ZBTB16: variants seen among roughly 807,000 people sequenced by gnomAD.
ZBTB16 encodes zinc finger and BTB domain containing 16.
ZBTB16 carries 8 observed loss-of-function variants against 56.8 expected under a neutral mutation model. That is an observed-to-expected ratio of 0.14 (90% CI 0.08 to 0.25). ZBTB16 has a LOEUF of 0.25. Ranked by LOEUF, ZBTB16 falls within the 10% of genes least tolerant of loss-of-function variation. ZBTB16 has a pLI of 1.00. For synonymous variants in ZBTB16, 363 were observed against 368.5 expected (o/e 0.98, Z 0.17); for missense variants, 625 against 903.0 (o/e 0.69, Z 3.95).
chr11:114,187,141 C>T (rs752858905), intron 4 of ZBTB16, 103 bp downstream of exon 4: 2 of 1,121,686 alleles, frequency 1.8e-6, no homozygotes, highest in Non-Finnish European at 2.7e-6. Context: ...ATGTGACATC[C>T]AGTAATTTCC....
chr11:114,130,491 G>A (rs1162112326), intron 2 of ZBTB16, among the ~76,000 whole-genome samples: 1 of 152,230 alleles, frequency 6.6e-6, no homozygotes, highest in Non-Finnish European at 1.5e-5. Context: ...TGTCAGCATC[G>A]ATGGCTGGCT....
chr11:114,089,908 G>A (rs12290032), intron 2 of ZBTB16, among the ~76,000 whole-genome samples: 48,040 of 152,108 alleles, frequency 0.32, 9,213 homozygotes, highest in African/African-American at 0.53. Flanking sequence ...GTGGGTCTCT[G>A]CCCCTGCTTG....
intron 2 of ZBTB16, among the ~76,000 whole-genome samples, chr11:114,136,034 G>A (rs997227342): frequency 6.6e-6 from 1 of 152,064 alleles, no homozygotes; most frequent in Non-Finnish European, 1.5e-5. Flanking sequence ...GTGGAATCTC[G>A]TGGCAAGGGC....
rs558553527 is a variant in ZBTB16 at position 114,232,200 on chromosome 11, C to T, written c.1454-9967C>T. On this transcript the variant is annotated intron_variant, in intron 4 of 6. Coordinates refer to ENST00000335953, the MANE Select transcript of ZBTB16 (RefSeq NM_006006.6). ...AGGGACCCATATTTCTTGCAGTGCT[C>T]ATGCAACCTTGCAGAGGGTTACAGG... Among the ~76,000 whole-genome samples, 46 of 152,262 alleles carry T rather than the reference C, an allele frequency of 3.0e-4. 1 individual carries two copies. The highest frequency in any genetic ancestry group is 3.4e-3 in the Middle Eastern group (1 of 294).
At chr11:114,088,932 G>A (rs1475743894) in intron 2 of ZBTB16, among the ~76,000 whole-genome samples, 2 of 152,218 alleles carry the variant, frequency 1.3e-5, no homozygotes, top group African/African-American at 2.4e-5. Context: ...CCCACACAAT[G>A]CCTGATTGTG....
Position 114,063,581 on chromosome 11 carries a change from C to T in ZBTB16, c.281C>T (p.Ala94Val). Reference protein sequence around the residue: ...LEYAYTATLQAKAEDLDDLLY... With the variant: ...LEYAYTATLQVKAEDLDDLLY... Reference sequence around the variant, plus strand: ...TATGCATATACAGCCACGCTGCAAGCCAAGGCGGAGGACCTGGATGACCTG... The same window carrying T: ...TATGCATATACAGCCACGCTGCAAGTCAAGGCGGAGGACCTGGATGACCTG... The change falls in exon 2 of 7, where the codon GCC becomes GTC. Residue 94 changes from alanine to valine, a missense_variant. Physicochemically the swap from Ala to Val is moderately conservative, Grantham distance 64. This residue lies in a region of ZBTB16 where 54 missense variants were observed against 159.4 expected (regional missense o/e 0.34). Transcript: ENST00000335953. This position sits in a 1 kb window ranked among gnomAD's most constrained non-coding sequence, Gnocchi z 6.5. The T allele has an allele frequency of 6.2e-7, 1 of 1,614,228 alleles. No homozygotes were observed. The highest frequency in any genetic ancestry group is 8.5e-7 in the Non-Finnish European group (1 of 1,180,046).
At chr11:114,148,421 C>CTCTCTCTCTCTCTGTCTGTCTG (rs770626931) in intron 2 of ZBTB16, among the ~76,000 whole-genome samples, 6 of 33,576 alleles carry the variant, frequency 1.8e-4, no homozygotes, top group African/African-American at 6.3e-4. Flanking sequence ...CCCTCCCTCC[C>CTCTCTCTCTCTCTGTCTGTCTG]TCCCTCTCTC....
intron 2 of ZBTB16, among the ~76,000 whole-genome samples, chr11:114,067,204 T>G (rs1376649351): frequency 2.0e-5 from 3 of 152,162 alleles, no homozygotes; most frequent in African/African-American, 7.2e-5. Context: ...GTCCCTTGTG[T>G]TGTTTAGGCC....
chr11:114,208,257 A>C (rs954831005), intron 4 of ZBTB16, among the ~76,000 whole-genome samples: 8 of 152,192 alleles, frequency 5.3e-5, no homozygotes, highest in Admixed American at 2.0e-4. Context: ...ATCATTCAAT[A>C]AATGCTTATT....
intron 2 of ZBTB16, among the ~76,000 whole-genome samples, chr11:114,122,255 A>T (rs1475800562): frequency 1.3e-5 from 2 of 152,170 alleles, no homozygotes; most frequent in African/African-American, 4.8e-5. Flanking sequence ...ACTGCTTTTT[A>T]TCTGGAGCTT....
In ZBTB16 at chr11:114,063,132, T is replaced by C; in HGVS notation, c.-90-79T>C. The C allele has an allele frequency of 2.7e-6, 2 of 732,874 alleles. No homozygotes were observed. Among genetic ancestry groups the C allele is most frequent in the Non-Finnish European group, 4.5e-6 (2 of 440,736 alleles). The allele number at this position is 732,874 out of a possible 1,614,324, so 45.4% of individuals were successfully genotyped here. ...GAGGGGGCATGTTGTAGTGGTTGAA[T>C]TCTTACTTTTAGGGACACTGATGAA... On this transcript the variant is annotated intron_variant, in intron 1 of 6. Coordinates refer to ENST00000335953, the MANE Select transcript of ZBTB16 (RefSeq NM_006006.6). This position sits in a 1 kb window ranked among gnomAD's most constrained non-coding sequence, Gnocchi z 6.5.
At chr11:114,107,776 GAAAC>G (rs1242962398) in intron 2 of ZBTB16, among the ~76,000 whole-genome samples, 2 of 152,184 alleles carry the variant, frequency 1.3e-5, no homozygotes, top group African/African-American at 2.4e-5. Context: ...TTTTCAAAGA[GAAAC>G]AAAGCTGGGC....
intron 4 of ZBTB16, among the ~76,000 whole-genome samples, chr11:114,234,087 A>G (rs965256684): frequency 6.6e-6 from 1 of 152,190 alleles, no homozygotes; most frequent in East Asian, 1.9e-4. Context: ...CCCTTGACTG[A>G]CGGTATTGAA....
chr11:114,200,940 G>A (rs901060540), intron 4 of ZBTB16, among the ~76,000 whole-genome samples: 19 of 152,172 alleles, frequency 1.2e-4, no homozygotes, highest in African/African-American at 4.6e-4. Context: ...GATGTTGGTA[G>A]CATTTTGATT....
intron 2 of ZBTB16, among the ~76,000 whole-genome samples, chr11:114,108,802 T>A (rs1181761479): frequency 6.6e-6 from 1 of 152,246 alleles, no homozygotes; most frequent in African/African-American, 2.4e-5. Context: ...CAGCTCATGC[T>A]TTTAAGGTCG....
intron 4 of ZBTB16, among the ~76,000 whole-genome samples, chr11:114,215,945 A>T (rs1565690782): frequency 6.6e-6 from 1 of 152,188 alleles, no homozygotes; most frequent in Non-Finnish European, 1.5e-5. Context: ...GACAGCCTAG[A>T]AATGGAAGGG....
chr11:114,177,548 G>A (rs645032), intron 3 of ZBTB16, among the ~76,000 whole-genome samples: 27,681 of 152,024 alleles, frequency 0.18, 2,816 homozygotes, highest in African/African-American at 0.28. Context: ...CACCGCACCC[G>A]GCCCGGGACT....
chr11:114,218,166 C>G lies in ZBTB16; in HGVS notation c.1454-24001C>G, dbSNP rs908825449. Among the ~76,000 whole-genome samples, 52 of 152,222 alleles carry G rather than the reference C, an allele frequency of 3.4e-4. 1 individual carries two copies. Among genetic ancestry groups the G allele is most frequent in the African/African-American group, 1.2e-3 (51 of 41,450 alleles). ...CTCCAGGCTGCTGTTGGAAATTTCTCAGAGAAGGACCTGCTGTGCTGCACG... is the reference window on the plus strand; with the variant it reads ...CTCCAGGCTGCTGTTGGAAATTTCTGAGAGAAGGACCTGCTGTGCTGCACG... On this transcript the variant is annotated intron_variant, in intron 4 of 6. Coordinates refer to ENST00000335953, the MANE Select transcript of ZBTB16 (RefSeq NM_006006.6).
chr11:114,098,185 G>A (rs1940486327), intron 2 of ZBTB16, among the ~76,000 whole-genome samples: 1 of 152,064 alleles, frequency 6.6e-6, no homozygotes, highest in African/African-American at 2.4e-5. Context: ...GAAAATCTAT[G>A]CCCAAATAAG....
Sources: gnomAD v4.1 joint callset for allele counts (sites outside exome capture counted in the v4.1 genomes callset) on GRCh38, gnomAD v4.1.1 for gene constraint, gnomAD v4.1.1 regional missense constraint, Gnocchi (gnomAD v3.1) non-coding constraint, MANE v1.5 for transcripts, NCBI Gene and HGNC (gene_info 2026-07-23, HGNC 2026-07-21) for gene names.